AKNA: variants seen among roughly 807,000 people sequenced by gnomAD.
The protein encoded by AKNA is AT-hook transcription factor.
AKNA carries 67 observed loss-of-function variants against 138.8 expected under a neutral mutation model. That is an observed-to-expected ratio of 0.48 (90% CI 0.40 to 0.59). The LOEUF is 0.59. AKNA is among the 20% of genes least tolerant of loss of function. AKNA has a pLI of 0.00. For synonymous variants in AKNA, 737 were observed against 754.4 expected (o/e 0.98, Z 0.38); for missense variants, 1,813 against 1,880.4 (o/e 0.96, Z 0.66).
At chr9:114,385,501 G>GT (rs1833965921) in intron 1 of AKNA, among the ~76,000 whole-genome samples, 1 of 152,340 alleles carries the variant, frequency 6.6e-6, no homozygotes, top group East Asian at 1.9e-4. Flanking sequence ...GAGGTGTGCG[G>GT]TTTTTTGACT....
upstream of AKNA, among the ~76,000 whole-genome samples, chr9:114,389,418 A>G (rs1360127639): frequency 1.3e-5 from 2 of 152,186 alleles, no homozygotes; most frequent in Non-Finnish European, 2.9e-5. Flanking sequence ...GGAACCACCC[A>G]TGTAGGAGAG....
At chr9:114,346,877 C>T in intron 16 of AKNA, 93 bp from the exon 17 acceptor site, 1 of 1,040,512 alleles carries the variant, frequency 9.6e-7, no homozygotes, top group Non-Finnish European at 1.4e-6. Context: ...AGAAATGCTT[C>T]TAACACGATG....
intron 4 of AKNA, among the ~76,000 whole-genome samples, chr9:114,368,915 T>A (rs1000720976): frequency 6.6e-6 from 1 of 152,204 alleles, no homozygotes; most frequent in Non-Finnish European, 1.5e-5. Context: ...ATCACAACAC[T>A]GCTCTATCTG....
chr9:114,353,727 C>T (rs1254899041), intron 14 of AKNA, among the ~76,000 whole-genome samples: 2 of 152,210 alleles, frequency 1.3e-5, no homozygotes, highest in Non-Finnish European at 2.9e-5. Context: ...CTACAAACCT[C>T]TACAACATTG....
chr9:114,357,248 T>C (rs1427888551), intron 12 of AKNA, among the ~76,000 whole-genome samples: 2 of 152,174 alleles, frequency 1.3e-5, no homozygotes, highest in East Asian at 1.9e-4. Flanking sequence ...GACAAGGCCA[T>C]GGACAAGGAC....
chr9:114,374,306 G>T, intron 3 of AKNA, 139 bp from the exon 4 acceptor site: 1 of 828,712 alleles, frequency 1.2e-6, no homozygotes, highest in Non-Finnish European at 2.0e-6. Flanking sequence ...TGGGATCCGA[G>T]CTGAGCAATC....
intron 14 of AKNA, among the ~76,000 whole-genome samples, chr9:114,354,750 AAGT>A (rs1831370444): frequency 6.6e-6 from 1 of 152,018 alleles, no homozygotes; most frequent in African/African-American, 2.4e-5. Flanking sequence ...TTTTTAAAAT[AAGT>A]AGAAGAAATA....
intron 11 of AKNA, chr9:114,359,226 G>C (rs1224375440): frequency 3.5e-6 from 1 of 283,770 alleles, no homozygotes; most frequent in African/African-American, 2.7e-5. Context: ...GTACCACCAT[G>C]CCTGGCTAAT....
In AKNA at chr9:114,336,863, T is replaced by G. The variant is rs1466540896; in HGVS notation, c.*191A>C. On this transcript the variant is annotated 3_prime_UTR_variant, in exon 22 of 22. Transcript: ENST00000374088. ...TGGTGCTCCTGGGAAGTCACTTCTCTTGGTGACCGAGCTGACACCCCCTCC... is the reference window on the plus strand; with the variant it reads ...TGGTGCTCCTGGGAAGTCACTTCTCGTGGTGACCGAGCTGACACCCCCTCC... The G allele has an allele frequency of 3.1e-6, 2 of 654,280 alleles. No homozygotes were observed. Among genetic ancestry groups the G allele is most frequent in the Admixed American group, 3.9e-5 (1 of 25,718 alleles). 40.5% of individuals were successfully genotyped at this position (654,280 alleles called of 1,614,324 possible).
At position 114,368,452 on chromosome 9, in the gene AKNA, G is replaced by A; in HGVS notation, c.1560C>T (p.Ala520=). The part of the protein sequence containing the change: ...WWPGPAEDPQ[A]SAASGWPSAR... ...TCCCGGACTCACCTGAGGCCGCAGA[G>A]GCCTGGGGGTCCTCGGCCGGGCCCG... is the stretch of plus-strand genomic sequence containing the variant. The change falls in exon 5 of 22, where the codon GCC becomes GCT. Residue 520 remains alanine (A), a synonymous_variant. Coordinates refer to ENST00000374088, the MANE Select transcript of AKNA (RefSeq NM_001317950.2). 1 of 1,329,220 alleles carries A rather than the reference G, an allele frequency of 7.5e-7. No homozygotes were observed. 82.3% of individuals were successfully genotyped at this position (1,329,220 alleles called of 1,614,324 possible). A position where few individuals can be genotyped will look rare whatever the true frequency, so the allele number is the denominator to read the frequency against.
At chr9:114,331,763 C>T, downstream of AKNA, 3 of 1,588,190 alleles carry the variant, frequency 1.9e-6, no homozygotes, top group Non-Finnish European at 2.6e-6. Context: ...AGAACCCCAG[C>T]CCTCCCTGGC....
intron 1 of AKNA, among the ~76,000 whole-genome samples, chr9:114,386,548 C>T (rs547393550): frequency 2.0e-5 from 3 of 152,274 alleles, no homozygotes; most frequent in African/African-American, 7.2e-5. Context: ...TTGGTGAAGA[C>T]TCCAGCAGTG....
chr9:114,379,947 T>TTA (rs1418853883), intron 2 of AKNA, among the ~76,000 whole-genome samples: 1 of 152,200 alleles, frequency 6.6e-6, no homozygotes, highest in Non-Finnish European at 1.5e-5. Flanking sequence ...GGCCAGGAGT[T>TTA]TGAGACCAGC....
chr9:114,392,737 C>T (rs1046039732), upstream of AKNA, among the ~76,000 whole-genome samples: 1 of 152,198 alleles, frequency 6.6e-6, no homozygotes, highest in Non-Finnish European at 1.5e-5. Flanking sequence ...AGCGATGAGT[C>T]CTGGACACAA....
intron 4 of AKNA, among the ~76,000 whole-genome samples, chr9:114,373,758 T>A (rs527255311): frequency 1.3e-5 from 2 of 151,576 alleles, no homozygotes; most frequent in African/African-American, 4.8e-5. Flanking sequence ...TAGTGATGAC[T>A]GCCTGCATTC....
intron 6 of AKNA, among the ~76,000 whole-genome samples, chr9:114,365,950 T>C (rs1245211897): frequency 6.6e-6 from 1 of 152,118 alleles, no homozygotes; most frequent in East Asian, 1.9e-4. Context: ...GTGGACAACA[T>C]ATAGGACGAA....
At chr9:114,371,820 G>A (rs889359010) in intron 4 of AKNA, among the ~76,000 whole-genome samples, 1 of 151,978 alleles carries the variant, frequency 6.6e-6, no homozygotes, top group Non-Finnish European at 1.5e-5. Flanking sequence ...CGTGGGCTCT[G>A]AGCAGAGTGA....
rs747843678 is a variant in AKNA, at chr9:114,356,877, C to A, written c.2832G>T (p.Arg944=). The A allele has an allele frequency of 6.4e-7, 1 of 1,553,686 alleles. No individual in the cohort carries two copies. Among genetic ancestry groups the A allele is most frequent in the South Asian group, 1.2e-5 (1 of 81,686 alleles). The part of the protein sequence containing the change: ...VSPLTQTPEH[R]LSHISTAGTL... ...TCCCGGGATACCTGATGTGGGAGAG[C>A]CGGTGCTCTGGAGTCTGGGTGAGGG... The change falls in exon 13 of 22, where the codon CGG becomes CGT. Residue 944 remains arginine (R), a synonymous_variant. Transcript: ENST00000374088.
chr9:114,375,254 C>G (rs543402086), intron 3 of AKNA, among the ~76,000 whole-genome samples: 1 of 152,352 alleles, frequency 6.6e-6, no homozygotes, highest in Admixed American at 6.5e-5. Context: ...AAAGCCCAGA[C>G]TGCGGACGAC....
Sources: allele counts gnomAD v4.1 joint callset (sites outside exome capture counted in the v4.1 genomes callset), GRCh38; gene constraint gnomAD v4.1.1; transcripts MANE v1.5; gene names NCBI Gene and HGNC (gene_info 2026-07-23, HGNC 2026-07-21).